The following SCAPER variants were observed in gnomAD, a reference collection of about 807,000 sequenced individuals.
SCAPER encodes the protein S phase cyclin A-associated protein in the endoplasmic reticulum.
A neutral mutation model predicts 182.2 loss-of-function variants in SCAPER; 98 were observed. The ratio of observed to expected loss-of-function variants is 0.54; its 90% confidence interval spans 0.46 to 0.64. SCAPER has a LOEUF of 0.64. Ranked by LOEUF, SCAPER falls within the 30% of genes least tolerant of loss-of-function variation. The pLI is 0.00. For missense variants in SCAPER, 1,432 were observed against 1,690.0 expected, an observed-to-expected ratio of 0.85 and a Z score of 2.68; for synonymous variants, 605 against 564.6, an observed-to-expected ratio of 1.07 and a Z score of -1.01.
chr15:76,529,290 C>G (rs1288469763), intron 23 of SCAPER, among the ~76,000 whole-genome samples: 1 of 152,184 alleles, frequency 6.6e-6, no homozygotes, highest in Non-Finnish European at 1.5e-5. Context: ...AAGTGATCCA[C>G]CCGCCTAAGC....
chr15:76,440,804 G>A (rs897076739), intron 25 of SCAPER, among the ~76,000 whole-genome samples: 2 of 150,780 alleles, frequency 1.3e-5, no homozygotes, highest in African/African-American at 4.9e-5. Flanking sequence ...CTGATGAAAG[G>A]TATTTACCTC....
intron 21 of SCAPER, among the ~76,000 whole-genome samples, chr15:76,643,745 G>A (rs2054304134): frequency 6.6e-6 from 1 of 152,094 alleles, no homozygotes; most frequent in Non-Finnish European, 1.5e-5. Context: ...TGTAACACGA[G>A]GGAATAAAAA....
intron 26 of SCAPER, among the ~76,000 whole-genome samples, chr15:76,413,096 T>G (rs1205476278): frequency 1.3e-5 from 2 of 152,226 alleles, no homozygotes; most frequent in Non-Finnish European, 2.9e-5. Context: ...TGCTTAAATC[T>G]TACTTAACAG....
At chr15:76,376,051 C>A in intron 29 of SCAPER, 111 bp downstream of exon 29, 1 of 1,366,722 alleles carries the variant, frequency 7.3e-7, no homozygotes, top group South Asian at 1.4e-5. Flanking sequence ...GGTTAAAGGG[C>A]TTTACAGAGG....
At chr15:76,647,187 A>G (rs2054617284) in intron 21 of SCAPER, among the ~76,000 whole-genome samples, 1 of 152,234 alleles carries the variant, frequency 6.6e-6, no homozygotes, top group South Asian at 2.1e-4. Flanking sequence ...GTAAATATAT[A>G]AACAGTTGAA....
chr15:76,600,667 C>T (rs1378583510), intron 22 of SCAPER, among the ~76,000 whole-genome samples: 1 of 118,900 alleles, frequency 8.4e-6, no homozygotes, highest in African/African-American at 2.6e-5. Context: ...CCATACTGGT[C>T]TTGAACTCCT....
At chr15:76,451,901 G>A (rs2048389809) in intron 25 of SCAPER, among the ~76,000 whole-genome samples, 1 of 152,072 alleles carries the variant, frequency 6.6e-6, no homozygotes, top group African/African-American at 2.4e-5. Context: ...ATTATTATAG[G>A]GTATTGGGAA....
At chr15:76,660,148 C>T (rs1434067885) in intron 21 of SCAPER, among the ~76,000 whole-genome samples, 1 of 152,024 alleles carries the variant, frequency 6.6e-6, no homozygotes, top group Non-Finnish European at 1.5e-5. Flanking sequence ...GAACAGAAAA[C>T]CAAATACTAC....
intron 2 of SCAPER, among the ~76,000 whole-genome samples, chr15:76,873,327 A>C (rs191206296): frequency 1.9e-3 from 193 of 102,774 alleles, no homozygotes; most frequent in East Asian, 5.1e-3. Context: ...GGAAGGAAGG[A>C]AGGAAGGCAG....
intron 24 of SCAPER, among the ~76,000 whole-genome samples, chr15:76,472,731 T>C (rs569054152): frequency 1.1e-4 from 16 of 152,316 alleles, no homozygotes; most frequent in East Asian, 3.9e-4. Flanking sequence ...AGGTCACTAA[T>C]AGAATGTCTC....
intron 24 of SCAPER, among the ~76,000 whole-genome samples, chr15:76,490,777 G>GT (rs2052217743): frequency 6.6e-6 from 1 of 152,148 alleles, no homozygotes; most frequent in African/African-American, 2.4e-5. Context: ...CAGGTCTTAT[G>GT]TTTAAGTCTT....
At chr15:76,748,092 G>A (rs1365051746) in intron 15 of SCAPER, among the ~76,000 whole-genome samples, 1 of 151,160 alleles carries the variant, frequency 6.6e-6, no homozygotes, top group African/African-American at 2.4e-5. Flanking sequence ...CCGGGTTCAA[G>A]CCATTCTCCT....
chr15:76,659,379 T>C (rs2055934548), intron 21 of SCAPER, among the ~76,000 whole-genome samples: 2 of 152,274 alleles, frequency 1.3e-5, no homozygotes, highest in South Asian at 4.1e-4. Flanking sequence ...CAAGTGATCC[T>C]CTTGCCTCAG....
chr15:76,771,270 TC>T (rs2063456940), intron 10 of SCAPER, among the ~76,000 whole-genome samples: 1 of 152,032 alleles, frequency 6.6e-6, no homozygotes, highest in Non-Finnish European at 1.5e-5. Context: ...TAATCACAAA[TC>T]AATGCATTTT....
intron 2 of SCAPER, among the ~76,000 whole-genome samples, chr15:76,877,053 T>A (rs950369945): frequency 2.0e-5 from 3 of 151,876 alleles, no homozygotes; most frequent in Non-Finnish European, 4.4e-5. Context: ...CTGGGAAACA[T>A]AGGGAGACCC....
intron 26 of SCAPER, among the ~76,000 whole-genome samples, chr15:76,425,917 G>A (rs1020914705): frequency 1.3e-5 from 2 of 152,234 alleles, no homozygotes; most frequent in African/African-American, 4.8e-5. Context: ...AGCGGAGGCT[G>A]CAGAACAGCG....
chr15:76,874,881 G>T (rs2073032391), intron 2 of SCAPER, among the ~76,000 whole-genome samples: 1 of 151,984 alleles, frequency 6.6e-6, no homozygotes, highest in South Asian at 2.1e-4. Context: ...GAGGATCACT[G>T]GAGCCCAGGA....
intron 23 of SCAPER, among the ~76,000 whole-genome samples, chr15:76,519,999 A>C (rs1244157689): frequency 6.6e-6 from 1 of 152,198 alleles, no homozygotes; most frequent in Non-Finnish European, 1.5e-5. Context: ...ATTGTACTAC[A>C]GTATAGTTTC....
At chr15:76,635,211 G>T (rs1388842361) in intron 21 of SCAPER, among the ~76,000 whole-genome samples, 1 of 152,074 alleles carries the variant, frequency 6.6e-6, no homozygotes, top group African/African-American at 2.4e-5. Context: ...AGCAGCTCAG[G>T]GTACAAGCCA....
Sources: allele counts gnomAD v4.1 joint callset (sites outside exome capture counted in the v4.1 genomes callset), GRCh38; gene constraint gnomAD v4.1.1; transcripts MANE v1.5; gene names NCBI Gene and HGNC (gene_info 2026-07-23, HGNC 2026-07-21).